Variants in FUT9 observed in about 807,000 individuals in gnomAD.
The protein encoded by FUT9 is fucosyltransferase 9.
A neutral mutation model predicts 29.7 loss-of-function variants in FUT9; 15 were observed. That is an observed-to-expected ratio of 0.51 (90% CI 0.34 to 0.78). FUT9 has a LOEUF of 0.78. Among genes scored for constraint, FUT9 ranks in the 30% least tolerant of loss-of-function variants. The pLI is 0.01. For missense variants in FUT9, 319 were observed against 425.4 expected, an observed-to-expected ratio of 0.75 and a Z score of 2.20; for synonymous variants, 169 against 153.7, an observed-to-expected ratio of 1.10 and a Z score of -0.74.
chr6:96,194,034 C>T lies in FUT9; in HGVS notation c.-8-9114C>T, dbSNP rs899935502. Among the ~76,000 whole-genome samples, 14 of 152,224 alleles carry T rather than the reference C, an allele frequency of 9.2e-5. 1 individual carries two copies. Among genetic ancestry groups the T allele is most frequent in the Admixed American group, 5.2e-4 (8 of 15,278 alleles). The stretch of plus-strand genomic sequence containing the variant: ...CACTTGGATACAGGAAGGGGAACAT[C>T]ACACACCAGGGCCTGTAGTAGTGTC... On this transcript the variant is annotated intron_variant, in intron 2 of 2. Transcript: ENST00000302103.
At chr6:96,166,312 T>C (rs367932035) in intron 2 of FUT9, among the ~76,000 whole-genome samples, 194 of 152,308 alleles carry the variant, frequency 1.3e-3, no homozygotes, top group South Asian at 5.0e-3. Context: ...AATGTTGGCA[T>C]AGTCTATACA....
chr6:96,195,265 TA>T (rs1290133834), intron 2 of FUT9, among the ~76,000 whole-genome samples: 1 of 152,164 alleles, frequency 6.6e-6, no homozygotes, highest in African/African-American at 2.4e-5. Flanking sequence ...ATCAGGGATT[TA>T]TTATTACCAG....
chr6:96,184,424 T>C (rs1214487925), intron 2 of FUT9, among the ~76,000 whole-genome samples: 1 of 152,060 alleles, frequency 6.6e-6, no homozygotes, highest in African/African-American at 2.4e-5. Flanking sequence ...TTTTGTTTTT[T>C]TGTTTGTTTG....
intron 1 of FUT9, among the ~76,000 whole-genome samples, chr6:96,039,755 A>G (rs1202270899): frequency 6.6e-6 from 1 of 152,256 alleles, no homozygotes; most frequent in South Asian, 2.1e-4. Flanking sequence ...GACCTTATCT[A>G]TCTTTTTCTT....
intron 1 of FUT9, among the ~76,000 whole-genome samples, chr6:96,109,842 T>C (rs1323193850): frequency 6.6e-6 from 1 of 152,148 alleles, no homozygotes; most frequent in Non-Finnish European, 1.5e-5. Context: ...CTCTTTACAA[T>C]GGCCTTTGAG....
chr6:96,101,420 G>A (rs569494994), intron 1 of FUT9, among the ~76,000 whole-genome samples: 1 of 151,846 alleles, frequency 6.6e-6, no homozygotes, highest in East Asian at 2.0e-4. Flanking sequence ...GGGCTGGGGG[G>A]TGCCTGTAAT....
chr6:96,154,025 G>A (rs1483493131), intron 2 of FUT9, among the ~76,000 whole-genome samples: 1 of 152,166 alleles, frequency 6.6e-6, no homozygotes, highest in Non-Finnish European at 1.5e-5. Context: ...CATTTTAGCA[G>A]TAGTTTTCAA....
In FUT9 at chr6:96,208,412, G is replaced by A. The variant is rs192116425; in HGVS notation, c.*4177G>A. 3 of 166,588 alleles carry A rather than the reference G, an allele frequency of 1.8e-5. No homozygotes were observed. Among genetic ancestry groups the A allele is most frequent in the Admixed American group, 6.6e-5 (1 of 15,242 alleles). 10.3% of individuals were successfully genotyped at this position (166,588 alleles called of 1,614,324 possible). A position where few individuals can be genotyped will look rare whatever the true frequency, so the allele number is the denominator to read the frequency against. On this transcript the variant is annotated 3_prime_UTR_variant, in exon 3 of 3. Coordinates refer to ENST00000302103, the MANE Select transcript of FUT9 (RefSeq NM_006581.4). Reference sequence around the variant, plus strand: ...GAGAAACTTCTTAACAATTACAATCGAGCTGTTAAATATAACAAACATCAG... The same window carrying A: ...GAGAAACTTCTTAACAATTACAATCAAGCTGTTAAATATAACAAACATCAG...
At chr6:96,114,243 T>C (rs1250836371) in intron 2 of FUT9, 116 bp downstream of exon 2, 4 of 152,112 alleles carry the variant, frequency 2.6e-5, no homozygotes, top group Non-Finnish European at 2.9e-5. Flanking sequence ...TCATCCAAGT[T>C]ACAGAATAAT....
At chr6:96,152,094 G>A (rs929243458) in intron 2 of FUT9, among the ~76,000 whole-genome samples, 38 of 152,144 alleles carry the variant, frequency 2.5e-4, no homozygotes, top group African/African-American at 9.2e-4. Context: ...GGAGAGATCA[G>A]CATTATATTT....
At chr6:96,021,043 G>A (rs1387874621) in intron 1 of FUT9, 1 of 152,022 alleles carries the variant, frequency 6.6e-6, no homozygotes, top group East Asian at 1.9e-4. Context: ...AGAACAAATA[G>A]AAAGGAGTGA....
chr6:96,153,469 G>A lies in FUT9; in HGVS notation c.-9+39342G>A, dbSNP rs1772720491. Among the ~76,000 whole-genome samples the A allele has an allele frequency of 4.6e-5, 7 of 152,148 alleles. No homozygotes were observed. The South Asian group carries it at 1.4e-3, about 32-fold the overall frequency. On this transcript the variant is annotated intron_variant, in intron 2 of 2. Coordinates refer to ENST00000302103, the MANE Select transcript of FUT9 (RefSeq NM_006581.4). ...CAGGATTCTCTTGAGTAGACAATGT[G>A]AGAAAAAGTTACAAATACTTTTCAG...
chr6:96,032,765 T>A (rs187543760), intron 1 of FUT9, among the ~76,000 whole-genome samples: 124 of 151,702 alleles, frequency 8.2e-4, no homozygotes, highest in Admixed American at 1.5e-3. Flanking sequence ...ATTATCTCTA[T>A]CCATGTGGTC....
intron 1 of FUT9, among the ~76,000 whole-genome samples, chr6:96,064,019 C>G (rs530690317): frequency 6.6e-6 from 1 of 152,082 alleles, no homozygotes; most frequent in Non-Finnish European, 1.5e-5. Context: ...ATAGATATCC[C>G]CATCGATCTA....
chr6:96,081,843 A>T (rs1347072362), intron 1 of FUT9, among the ~76,000 whole-genome samples: 1 of 151,852 alleles, frequency 6.6e-6, no homozygotes, highest in Non-Finnish European at 1.5e-5. Context: ...ATTGTCTCTG[A>T]CTTTTAATTT....
intron 2 of FUT9, among the ~76,000 whole-genome samples, chr6:96,151,976 T>A (rs954054402): frequency 6.6e-6 from 1 of 152,122 alleles, no homozygotes; most frequent in Non-Finnish European, 1.5e-5. Flanking sequence ...GCATTCAAAA[T>A]GGGATCAGAG....
At chr6:96,176,027 G>T (rs1773196566) in intron 2 of FUT9, among the ~76,000 whole-genome samples, 1 of 152,232 alleles carries the variant, frequency 6.6e-6, no homozygotes, top group East Asian at 1.9e-4. Context: ...CCCTTCTGGA[G>T]CTGAGACATT....
At chr6:96,123,010 A>C (rs1582248380) in intron 2 of FUT9, among the ~76,000 whole-genome samples, 1 of 127,484 alleles carries the variant, frequency 7.8e-6, no homozygotes, top group East Asian at 2.6e-4. Context: ...CAGTGAGCCG[A>C]GATCGCGCCA....
intron 1 of FUT9, among the ~76,000 whole-genome samples, chr6:96,112,506 T>C (rs1277667042): frequency 1.3e-5 from 2 of 152,164 alleles, no homozygotes; most frequent in Non-Finnish European, 2.9e-5. Flanking sequence ...CAGTGGAAAA[T>C]TAAATTATTT....
Sources: allele counts gnomAD v4.1 joint callset (sites outside exome capture counted in the v4.1 genomes callset), GRCh38; gene constraint gnomAD v4.1.1; transcripts MANE v1.5; gene names NCBI Gene and HGNC (gene_info 2026-07-23, HGNC 2026-07-21).